Variants in RIC1 observed in about 807,000 individuals in gnomAD.
RIC1 encodes the protein RIC1 partner of RAB6A GEF complex, also known as guanine nucleotide exchange factor subunit RIC1.
RIC1 carries 88 observed loss-of-function variants against 169.0 expected under a neutral mutation model. The observed-to-expected ratio is 0.52, with a 90% CI of 0.44 to 0.62. RIC1 has a LOEUF of 0.62. RIC1 is among the 20% of genes least tolerant of loss of function. The pLI, the probability that RIC1 is intolerant of heterozygous loss-of-function variation, is 0.00. For missense variants in RIC1, 1,877 were observed against 1,725.5 expected, an observed-to-expected ratio of 1.09 and a Z score of -1.56; for synonymous variants, 790 against 601.5, an observed-to-expected ratio of 1.31 and a Z score of -4.59.
At chr9:5,657,354 C>T (rs1397512820) in intron 2 of RIC1, among the ~76,000 whole-genome samples, 1 of 151,988 alleles carries the variant, frequency 6.6e-6, no homozygotes, top group East Asian at 1.9e-4. Flanking sequence ...GTCATTATGA[C>T]TTAATATGCA....
chr9:5,639,419 T>A (rs997664695), intron 1 of RIC1, among the ~76,000 whole-genome samples: 12 of 152,266 alleles, frequency 7.9e-5, no homozygotes, highest in African/African-American at 2.9e-4. Flanking sequence ...AGAATTGTTC[T>A]TATTGATTTC....
At chr9:5,690,849 G>C (rs1821552512) in intron 3 of RIC1, among the ~76,000 whole-genome samples, 1 of 151,780 alleles carries the variant, frequency 6.6e-6, no homozygotes, top group Non-Finnish European at 1.5e-5. Context: ...GATTCCAGTA[G>C]ATAAATAGGG....
intron 4 of RIC1, among the ~76,000 whole-genome samples, chr9:5,719,871 C>T (rs191403398): frequency 9.9e-5 from 15 of 152,258 alleles, no homozygotes; most frequent in Admixed American, 8.5e-4. Flanking sequence ...TATGGTTTCT[C>T]TACCTCTTTT....
intron 2 of RIC1, among the ~76,000 whole-genome samples, chr9:5,670,488 T>G (rs1368722281): frequency 6.6e-6 from 1 of 152,214 alleles, no homozygotes; most frequent in Non-Finnish European, 1.5e-5. Context: ...TTTCTAGCTG[T>G]TGGGAGAGTT....
At chr9:5,677,054 A>ATG (rs1820494367) in intron 2 of RIC1, among the ~76,000 whole-genome samples, 1 of 152,232 alleles carries the variant, frequency 6.6e-6, no homozygotes, top group East Asian at 1.9e-4. Flanking sequence ...TGAGTGGAAC[A>ATG]GCTACATTAT....
At position 5,647,218 on chromosome 9, in the gene RIC1, T is replaced by C. The variant is rs1818562127; in HGVS notation, c.145-9365T>C. 2.0e-5 allele frequency among the ~76,000 whole-genome samples: 3 copies of C among 152,350 alleles called. No homozygotes were observed. The South Asian group carries it at 6.2e-4, about 32-fold the overall frequency. The stretch of plus-strand genomic sequence containing the variant: ...CGACAGTATTTTGATTGCTGTAGTC[T>C]TCTAGTAAGTTTTGATGTCAGGAAA... On this transcript the variant is annotated intron_variant, in intron 1 of 25. Transcript: ENST00000414202.
chr9:5,760,559 C>G (rs1026828468), intron 17 of RIC1, among the ~76,000 whole-genome samples: 4 of 152,066 alleles, frequency 2.6e-5, no homozygotes, highest in Non-Finnish European at 5.9e-5. Flanking sequence ...TATGCAGTTC[C>G]CAGTCATGCT....
intron 2 of RIC1, among the ~76,000 whole-genome samples, chr9:5,678,010 A>G (rs1023041733): frequency 8.2e-6 from 1 of 122,084 alleles, no homozygotes; most frequent in Non-Finnish European, 1.7e-5. Flanking sequence ...CCCCCACCCC[A>G]CAACAGTCCC....
chr9:5,759,638 G>C (rs550560371), intron 17 of RIC1, among the ~76,000 whole-genome samples: 1 of 152,242 alleles, frequency 6.6e-6, no homozygotes, highest in East Asian at 1.9e-4. Context: ...AGAAAGTAGG[G>C]AATAATTGTA....
chr9:5,660,335 T>C (rs548410360), intron 2 of RIC1, among the ~76,000 whole-genome samples: 12 of 152,298 alleles, frequency 7.9e-5, no homozygotes, highest in African/African-American at 2.6e-4. Flanking sequence ...TGAATGTTTG[T>C]AATAGAATGA....
rs1177294187 is a variant in RIC1 at position 5,775,186 on chromosome 9, CAT to C, written c.*942_*943del. The stretch of plus-strand genomic sequence containing the variant: ...ATGCAGCAAGTTTTGTGCAAATTAA[CAT>C]AGTCTCTTATTTATTGCTTTTGTAA... On this transcript the variant is annotated 3_prime_UTR_variant, in exon 26 of 26. Transcript: ENST00000414202. The C allele has an allele frequency of 1.3e-5, 2 of 152,210 alleles. No individual in the cohort carries two copies. The highest frequency in any genetic ancestry group is 2.4e-5 in the African/African-American group (1 of 41,454). 9.4% of individuals were successfully genotyped at this position (152,210 alleles called of 1,614,324 possible). A position where few individuals can be genotyped will look rare whatever the true frequency, so the allele number is the denominator to read the frequency against.
chr9:5,709,646 G>T (rs546209899), intron 3 of RIC1, among the ~76,000 whole-genome samples: 42 of 152,192 alleles, frequency 2.8e-4, no homozygotes, highest in African/African-American at 8.9e-4. Context: ...TATTCTTCTA[G>T]CCTCATCTTC....
At chr9:5,776,970 C>T (rs1023870364), downstream of RIC1, among the ~76,000 whole-genome samples, 7 of 152,088 alleles carry the variant, frequency 4.6e-5, no homozygotes, top group African/African-American at 1.7e-4. Flanking sequence ...CTGGACATTT[C>T]ATATAAATGG....
intron 4 of RIC1, among the ~76,000 whole-genome samples, chr9:5,717,398 A>T (rs139812216): frequency 2.6e-5 from 4 of 152,308 alleles, no homozygotes; most frequent in African/African-American, 9.6e-5. Flanking sequence ...AATCACTGGT[A>T]AACCAGTGAC....
chr9:5,767,777 G>C (rs556504353), intron 21 of RIC1, among the ~76,000 whole-genome samples: 4 of 151,976 alleles, frequency 2.6e-5, no homozygotes, highest in East Asian at 1.9e-4. Flanking sequence ...AGTAGAGACG[G>C]GGTTTCTCCG....
intron 2 of RIC1, among the ~76,000 whole-genome samples, chr9:5,666,476 G>T (rs1819771215): frequency 6.6e-6 from 1 of 152,030 alleles, no homozygotes; most frequent in Admixed American, 6.6e-5. Context: ...GTTCTAGCGG[G>T]AAGGCTTTCA....
chr9:5,712,324 C>T (rs1030757609), intron 3 of RIC1, among the ~76,000 whole-genome samples: 2 of 152,098 alleles, frequency 1.3e-5, no homozygotes, highest in African/African-American at 4.8e-5. Context: ...CTCTGATGGC[C>T]AGTGATGATG....
chr9:5,689,850 G>C, intron 2 of RIC1, 109 bp from the exon 3 acceptor site: 2 of 669,442 alleles, frequency 3.0e-6, no homozygotes, highest in South Asian at 2.0e-5. Context: ...CCAAGGGAGG[G>C]TATTGGAGAA....
chr9:5,738,625 A>C, intron 8 of RIC1, 87 bp downstream of exon 8: 2 of 751,048 alleles, frequency 2.7e-6, no homozygotes, highest in Non-Finnish European at 4.1e-6. Context: ...AAGTTAAACA[A>C]TACATGTCAT....
Sources: gnomAD v4.1 joint callset for allele counts (sites outside exome capture counted in the v4.1 genomes callset) on GRCh38, gnomAD v4.1.1 for gene constraint, MANE v1.5 for transcripts, NCBI Gene and HGNC (gene_info 2026-07-23, HGNC 2026-07-21) for gene names.